PGAM1: variants seen among roughly 807,000 people sequenced by gnomAD.
PGAM1 encodes phosphoglycerate mutase 1.
In PGAM1, 21 loss-of-function variants were observed where a neutral mutation model predicts 23.5. That is an observed-to-expected ratio of 0.89 (90% CI 0.63 to 1.29). The LOEUF (loss-of-function observed/expected upper bound fraction) is 1.29, where lower values mean the gene tolerates loss of function less well. Among genes scored for constraint, PGAM1 ranks in the 50% most tolerant of loss-of-function variants. The pLI is 0.00. For synonymous variants in PGAM1, 109 were observed against 128.6 expected, an observed-to-expected ratio of 0.85 and a Z score of 1.03; for missense variants, 232 against 336.3, an observed-to-expected ratio of 0.69 and a Z score of 2.42.
At chr10:97,430,057 AAAAAAG>A (rs1382023872) in intron 1 of PGAM1, among the ~76,000 whole-genome samples, 2 of 151,648 alleles carry the variant, frequency 1.3e-5, no homozygotes, top group African/African-American at 4.8e-5. Flanking sequence ...AAAAAAAAAA[AAAAAAG>A]AAAAGAAAAA....
chr10:97,429,280 A>G (rs2035392834), intron 1 of PGAM1, among the ~76,000 whole-genome samples: 1 of 151,538 alleles, frequency 6.6e-6, no homozygotes, highest in Admixed American at 6.6e-5. Context: ...ATTTTTTTGT[A>G]TTTTTAGTAG....
chr10:97,426,879 A>C (rs1361191598), intron 1 of PGAM1, among the ~76,000 whole-genome samples: 2 of 151,970 alleles, frequency 1.3e-5, no homozygotes, highest in African/African-American at 4.8e-5. Context: ...TATTGAAAAT[A>C]CAAAATTAGC....
At chr10:97,427,181 C>A in intron 1 of PGAM1, 1 of 672,382 alleles carries the variant, frequency 1.5e-6, no homozygotes, top group Non-Finnish European at 1.8e-6. Context: ...CTTAAAGCAG[C>A]TGTAACCAAG....
In PGAM1 at chr10:97,433,415, A is replaced by G. The variant is rs1845493865; in HGVS notation, c.*891A>G. The G allele has an allele frequency of 1.3e-5, 2 of 152,600 alleles. No homozygotes were observed. Among genetic ancestry groups the G allele is most frequent in the African/African-American group, 4.8e-5 (2 of 41,438 alleles). 9.5% of individuals were successfully genotyped at this position (152,600 alleles called of 1,614,324 possible). On this transcript the variant is annotated 3_prime_UTR_variant, in exon 4 of 4. Coordinates refer to ENST00000334828, the MANE Select transcript of PGAM1 (RefSeq NM_002629.4). ...CTGTACTAAATCCTTTTTCCATATC[A>G]GTATAATAAAGGAGTGATGTGCAAT...
intron 1 of PGAM1, among the ~76,000 whole-genome samples, chr10:97,429,362 C>T (rs1287966252): frequency 7.2e-5 from 11 of 152,078 alleles, no homozygotes; most frequent in Non-Finnish European, 1.3e-4. Flanking sequence ...CCTCGGCCTC[C>T]CAAAGTGCTG....
At chr10:97,426,520 C>A in intron 1 of PGAM1, 74 bp downstream of exon 1, 1 of 1,481,920 alleles carries the variant, frequency 6.7e-7, no homozygotes, top group South Asian at 1.4e-5. Flanking sequence ...GGCGTCTGCG[C>A]CCTCTCGGAG....
rs1287482615 is a variant in PGAM1 at position 97,426,209 on chromosome 10, C to G, written c.-99C>G. 2 of 1,563,436 alleles carry G rather than the reference C, an allele frequency of 1.3e-6. No homozygotes were observed. The highest frequency in any genetic ancestry group is 1.1e-5 in the South Asian group (1 of 88,854). On this transcript the variant is annotated 5_prime_UTR_variant, in exon 1 of 4. Coordinates refer to ENST00000334828, the MANE Select transcript of PGAM1 (RefSeq NM_002629.4). ...TTTGGGCGAGAACTTGCGCGGGAGC[C>G]GGACTGAGCGGTGCGAGCGCGCAGG...
chr10:97,428,774 T>C (rs373946900), intron 1 of PGAM1, among the ~76,000 whole-genome samples: 341 of 152,190 alleles, frequency 2.2e-3, no homozygotes, highest in Middle Eastern at 0.02. Flanking sequence ...ATGAGACCTG[T>C]TTTTTCTCTT....
chr10:97,427,193 CCT>C, intron 1 of PGAM1: 1 of 793,588 alleles, frequency 1.3e-6, no homozygotes, highest in South Asian at 5.7e-5. Flanking sequence ...GTAACCAAGG[CCT>C]CTCAAGAGGC....
At chr10:97,429,260 T>C (rs1000279551) in intron 1 of PGAM1, among the ~76,000 whole-genome samples, 7 of 151,960 alleles carry the variant, frequency 4.6e-5, no homozygotes, top group Non-Finnish European at 8.8e-5. Flanking sequence ...CCCGCCACCA[T>C]GCCCGGCTAA....
At chr10:97,431,181 A>C in intron 3 of PGAM1, 46 bp downstream of exon 3, 1 of 1,609,074 alleles carries the variant, frequency 6.2e-7, no homozygotes, top group Non-Finnish European at 8.5e-7. Context: ...GATAAAGCAG[A>C]ACTGCCACAA....
Position 97,426,412 on chromosome 10 carries a change from C to G in PGAM1, c.105C>G (p.His35Gln). The G allele has an allele frequency of 1.2e-6, 2 of 1,604,182 alleles. No homozygotes were observed. Among genetic ancestry groups the G allele is most frequent in the Non-Finnish European group, 1.7e-6 (2 of 1,176,442 alleles). ...ACGCCGACCTGAGCCCGGCGGGCCA[C>G]GAGGAGGCGAAGCGCGGCGGGCAGG... Reference protein sequence around the residue: ...WYDADLSPAGHEEAKRGGQAL... With the variant: ...WYDADLSPAGQEEAKRGGQAL... The change falls in exon 1 of 4, where the codon CAC becomes CAG. Residue 35 changes from histidine (H) to glutamine (Q), a missense_variant. Coordinates refer to ENST00000334828, the MANE Select transcript of PGAM1 (RefSeq NM_002629.4).
chr10:97,432,366 G>T lies in PGAM1; in HGVS notation c.607G>T (p.Glu203Ter). 6.2e-7 allele frequency: 1 copy of T among 1,612,110 alleles called. No individual in the cohort carries two copies. Among genetic ancestry groups the T allele is most frequent in the East Asian group, 2.2e-5 (1 of 44,886 alleles). ...GTGGATGTTTTCAGGTCTCTCTGAAGAGGCTATCATGGAGCTGAACCTGCC... is the reference window on the plus strand; with the variant it reads ...GTGGATGTTTTCAGGTCTCTCTGAATAGGCTATCATGGAGCTGAACCTGCC... ...IVKHLEGLSE[E>*]AIMELNLPTG... is the part of the protein sequence containing the mutation. Residue 203 changes from glutamate to a stop codon, truncating the protein, a stop_gained, in exon 4 of 4, where the codon GAG becomes TAG. Transcript: ENST00000334828. LOFTEE classifies it high-confidence loss of function.
At chr10:97,431,889 TAAA>T (rs549613576) in intron 3 of PGAM1, among the ~76,000 whole-genome samples, 3 of 141,770 alleles carry the variant, frequency 2.1e-5, no homozygotes. Flanking sequence ...CCTTGTCTCT[TAAA>T]AAAAAAAAAA....
chr10:97,432,065 T>C (rs1845476663), intron 3 of PGAM1, among the ~76,000 whole-genome samples: 1 of 152,184 alleles, frequency 6.6e-6, no homozygotes, highest in South Asian at 2.1e-4. Context: ...ATGTGTAGTC[T>C]TGCTTCACTG....
Position 97,427,647 on chromosome 10 carries a change from ATCCAGGC to A in PGAM1, c.139+1203_139+1209del, listed in dbSNP as rs576261984. The A allele has an allele frequency of 1.6e-3, 1,858 of 1,191,200 alleles. 6 individuals are homozygous for A. The highest frequency in any genetic ancestry group is 6.6e-3 in the Middle Eastern group (18 of 2,736). The allele number at this position is 1,191,200 out of a possible 1,614,324, so 73.8% of individuals were successfully genotyped here. ...AGTGGCTGTGAGATAATGCTTGCCTATCCAGGCTTGCTCCCGCCCCAGTCTGCTCTTT... is the reference window on the plus strand; with the variant it reads ...AGTGGCTGTGAGATAATGCTTGCCTATTGCTCCCGCCCCAGTCTGCTCTTT... On this transcript the variant is annotated intron_variant, in intron 1 of 3. Coordinates refer to ENST00000334828, the MANE Select transcript of PGAM1 (RefSeq NM_002629.4).
At chr10:97,430,726 G>A in intron 2 of PGAM1, 73 bp downstream of exon 2, 5 of 1,592,416 alleles carry the variant, frequency 3.1e-6, no homozygotes, top group Non-Finnish European at 3.4e-6. Flanking sequence ...TAATCTCACT[G>A]AACTTACAAT....
At chr10:97,427,286 C>A in intron 1 of PGAM1, 1 of 986,578 alleles carries the variant, frequency 1.0e-6, no homozygotes, top group Non-Finnish European at 1.2e-6. Flanking sequence ...GCCTAACAAG[C>A]CTCAGAACAC....
chr10:97,428,452 C>T (rs1845434778), intron 1 of PGAM1, among the ~76,000 whole-genome samples: 1 of 152,088 alleles, frequency 6.6e-6, no homozygotes, highest in Admixed American at 6.5e-5. Flanking sequence ...CTGTGAGTGC[C>T]CCTGGCTATG....
Sources: allele counts gnomAD v4.1 joint callset (sites outside exome capture counted in the v4.1 genomes callset), GRCh38; gene constraint gnomAD v4.1.1; transcripts MANE v1.5; gene names NCBI Gene and HGNC (gene_info 2026-07-23, HGNC 2026-07-21).